The following TAFA2 variants were observed in gnomAD, a reference collection of about 807,000 sequenced individuals.
TAFA2 encodes chemokine-like protein TAFA-2.
TAFA2 carries 7 observed loss-of-function variants against 18.8 expected under a neutral mutation model. That is an observed-to-expected ratio of 0.37 (90% CI 0.21 to 0.70). The LOEUF is 0.70. Ranked by LOEUF, TAFA2 falls within the 30% of genes least tolerant of loss-of-function variation. The probability of loss-of-function intolerance (pLI) is 0.53; values close to 1 mark genes in which losing one functional copy is unlikely to be tolerated. For missense variants in TAFA2, 122 were observed against 158.1 expected (o/e 0.77, Z 1.23); for synonymous variants, 60 against 54.2 (o/e 1.11, Z -0.47).
At chr12:61,915,838 C>T (rs936981380) in intron 1 of TAFA2, among the ~76,000 whole-genome samples, 1 of 152,208 alleles carries the variant, frequency 6.6e-6, no homozygotes, top group Non-Finnish European at 1.5e-5. Flanking sequence ...TGCCCATCCA[C>T]ATTGGTGAGC....
At chr12:62,186,266 G>A (rs943072062) in intron 1 of TAFA2, among the ~76,000 whole-genome samples, 33 of 152,258 alleles carry the variant, frequency 2.2e-4, no homozygotes, top group East Asian at 3.9e-4. Flanking sequence ...GGGCAACACC[G>A]TTGCCCATTC....
In TAFA2 at chr12:61,753,709, C is replaced by T. The variant is rs1869128933; in HGVS notation, c.297G>A (p.Gln99=). The T allele has an allele frequency of 1.2e-6, 2 of 1,612,380 alleles. No homozygotes were observed. The highest frequency in any genetic ancestry group is 1.7e-5 in the Admixed American group (1 of 59,870). Residue 99 remains glutamine (Q), a synonymous_variant, in exon 4 of 5, where the codon CAG becomes CAA. Transcript: ENST00000416284. ...TACATTCTTCTCCCTCTAGACATGGCTGCATATGGCACCACCATTTCTGTT... is the reference window on the plus strand; with the variant it reads ...TACATTCTTCTCCCTCTAGACATGGTTGCATATGGCACCACCATTTCTGTT... ...IVEQKWWCHM[Q]PCLEGEECKV...
At chr12:62,001,864 T>C (rs1880388240) in intron 1 of TAFA2, among the ~76,000 whole-genome samples, 1 of 152,194 alleles carries the variant, frequency 6.6e-6, no homozygotes, top group Admixed American at 6.5e-5. Context: ...AAATAAGATA[T>C]TATGCAGCAC....
intron 1 of TAFA2, among the ~76,000 whole-genome samples, chr12:61,951,943 C>T (rs1036102166): frequency 2.7e-4 from 41 of 151,724 alleles, no homozygotes; most frequent in African/African-American, 9.2e-4. Flanking sequence ...GAAGAAAACA[C>T]GAAGCATTTT....
At chr12:62,109,416 T>G (rs1869618195) in intron 1 of TAFA2, among the ~76,000 whole-genome samples, 1 of 152,248 alleles carries the variant, frequency 6.6e-6, no homozygotes, top group Non-Finnish European at 1.5e-5. Flanking sequence ...GGTAGTATGA[T>G]GCCTCCACCT....
At chr12:61,920,799 T>C (rs1877018514) in intron 1 of TAFA2, among the ~76,000 whole-genome samples, 1 of 151,592 alleles carries the variant, frequency 6.6e-6, no homozygotes, top group Non-Finnish European at 1.5e-5. Context: ...TTTCTAATAA[T>C]ATAATAAATA....
chr12:62,026,653 T>C (rs946792376), intron 1 of TAFA2, among the ~76,000 whole-genome samples: 2 of 152,154 alleles, frequency 1.3e-5, no homozygotes, highest in Admixed American at 1.3e-4. Context: ...ACAGTCTATG[T>C]TTTGAATTTG....
chr12:62,250,133 T>C (rs1350742619), intron 1 of TAFA2, among the ~76,000 whole-genome samples: 3 of 152,250 alleles, frequency 2.0e-5, no homozygotes, highest in Non-Finnish European at 4.4e-5. Flanking sequence ...CAAGCATCAA[T>C]ATGTTGTAAA....
intron 1 of TAFA2, among the ~76,000 whole-genome samples, chr12:62,215,930 G>A (rs1288785888): frequency 1.3e-5 from 2 of 152,022 alleles, no homozygotes; most frequent in African/African-American, 4.8e-5. Context: ...AAAGACCAGT[G>A]GGTTTTGCCC....
chr12:62,220,034 T>C (rs1368410750), intron 1 of TAFA2, among the ~76,000 whole-genome samples: 1 of 152,108 alleles, frequency 6.6e-6, no homozygotes, highest in Admixed American at 6.6e-5. Flanking sequence ...TATTGAAATG[T>C]TACCAAAAAT....
chr12:61,912,579 C>T (rs1001597282), intron 1 of TAFA2, among the ~76,000 whole-genome samples: 1 of 152,032 alleles, frequency 6.6e-6, no homozygotes, highest in South Asian at 2.1e-4. Flanking sequence ...AGTAGAAAAA[C>T]AATATTCATG....
chr12:61,998,357 A>G (rs1475735882), intron 1 of TAFA2, among the ~76,000 whole-genome samples: 1 of 152,174 alleles, frequency 6.6e-6, no homozygotes, highest in Non-Finnish European at 1.5e-5. Flanking sequence ...ATGTTCATTT[A>G]TATTAACTCC....
At chr12:61,953,314 C>G (rs74349911) in intron 1 of TAFA2, among the ~76,000 whole-genome samples, 1 of 151,982 alleles carries the variant, frequency 6.6e-6, no homozygotes, top group Non-Finnish European at 1.5e-5. Flanking sequence ...GATTACAGGT[C>G]TCTGTAATAA....
At chr12:62,200,287 T>A (rs2062665775) in intron 1 of TAFA2, among the ~76,000 whole-genome samples, 1 of 152,228 alleles carries the variant, frequency 6.6e-6, no homozygotes, top group African/African-American at 2.4e-5. Flanking sequence ...TTTTTCCTTT[T>A]GTTGCAATTG....
intron 1 of TAFA2, among the ~76,000 whole-genome samples, chr12:62,015,068 G>A (rs1331233369): frequency 3.3e-5 from 5 of 152,140 alleles, no homozygotes; most frequent in African/African-American, 1.2e-4. Flanking sequence ...CCCTATATGA[G>A]AAAACAGCTA....
intron 2 of TAFA2, among the ~76,000 whole-genome samples, chr12:61,817,733 T>A (rs1310679842): frequency 6.6e-6 from 1 of 152,198 alleles, no homozygotes; most frequent in Non-Finnish European, 1.5e-5. Context: ...GAGTGAATTT[T>A]AGCAAAAAGC....
intron 2 of TAFA2, among the ~76,000 whole-genome samples, chr12:61,783,101 T>C (rs1381701774): frequency 1.3e-5 from 2 of 151,708 alleles, no homozygotes; most frequent in East Asian, 3.9e-4. Context: ...GTCAATAAGT[T>C]GTTTGAAAAC....
chr12:62,072,472 A>AAAT (rs1170751047), intron 1 of TAFA2, among the ~76,000 whole-genome samples: 2 of 147,894 alleles, frequency 1.4e-5, no homozygotes, highest in South Asian at 2.2e-4. Flanking sequence ...CCATCTCAAA[A>AAAT]AATAATAATA....
intron 1 of TAFA2, among the ~76,000 whole-genome samples, chr12:61,980,239 G>A (rs775198018): frequency 2.4e-4 from 37 of 151,948 alleles, no homozygotes; most frequent in Non-Finnish European, 4.3e-4. Context: ...AAAGTCCCTC[G>A]ACAAAATTCA....
Sources: allele counts gnomAD v4.1 joint callset (sites outside exome capture counted in the v4.1 genomes callset), GRCh38; gene constraint gnomAD v4.1.1; transcripts MANE v1.5; gene names NCBI Gene and HGNC (gene_info 2026-07-23, HGNC 2026-07-21).